NKAIN3: variants seen among roughly 807,000 people sequenced by gnomAD.
NKAIN3 encodes sodium/potassium transporting ATPase interacting 3, also known as sodium/potassium-transporting ATPase subunit beta-1-interacting protein 3.
Under a neutral mutation model 30.2 loss-of-function variants are expected in NKAIN3, and 25 were observed. The observed-to-expected ratio is 0.83, with a 90% CI of 0.60 to 1.16. NKAIN3 has a LOEUF of 1.16. NKAIN3 is among the 50% of genes most tolerant of loss of function. The pLI is 0.00. For missense variants in NKAIN3, 225 were observed against 254.1 expected (o/e 0.89, Z 0.78); for synonymous variants, 91 against 89.6 (o/e 1.02, Z -0.09).
intron 4 of NKAIN3, among the ~76,000 whole-genome samples, chr8:62,756,012 A>G (rs1363446513): frequency 6.6e-6 from 1 of 152,160 alleles, no homozygotes; most frequent in African/African-American, 2.4e-5. Flanking sequence ...ATTTTAAATC[A>G]CTTCATTCTT....
intron 4 of NKAIN3, among the ~76,000 whole-genome samples, chr8:62,751,189 G>T (rs907827285): frequency 1.3e-5 from 2 of 152,136 alleles, no homozygotes; most frequent in Non-Finnish European, 2.9e-5. Flanking sequence ...GCAGCGGCCT[G>T]CATGGAATGG....
chr8:62,335,849 A>G (rs1267164497), intron 1 of NKAIN3, among the ~76,000 whole-genome samples: 2 of 152,038 alleles, frequency 1.3e-5, no homozygotes, highest in African/African-American at 4.8e-5. Flanking sequence ...CCAATCCATC[A>G]GAGAAAAGCC....
chr8:62,811,265 G>A (rs923023761), intron 4 of NKAIN3, among the ~76,000 whole-genome samples: 1 of 151,984 alleles, frequency 6.6e-6, no homozygotes, highest in Non-Finnish European at 1.5e-5. Flanking sequence ...TTAAACAATT[G>A]CCTGTGAAAG....
intron 5 of NKAIN3, among the ~76,000 whole-genome samples, chr8:62,950,794 A>G (rs545559679): frequency 6.6e-6 from 1 of 152,298 alleles, no homozygotes; most frequent in East Asian, 1.9e-4. Flanking sequence ...TATCTGGTTT[A>G]GACTTTGTCC....
intron 1 of NKAIN3, among the ~76,000 whole-genome samples, chr8:62,337,574 C>CAT (rs148709136): frequency 2.0e-5 from 3 of 150,308 alleles, no homozygotes; most frequent in African/African-American, 7.3e-5. Context: ...AAGTATAGTA[C>CAT]ATATATATAT....
intron 1 of NKAIN3, among the ~76,000 whole-genome samples, chr8:62,538,687 T>C (rs1364344051): frequency 6.6e-6 from 1 of 152,244 alleles, no homozygotes; most frequent in Non-Finnish European, 1.5e-5. Flanking sequence ...AAATATGATT[T>C]CAGCCTCTGT....
chr8:62,382,573 C>G (rs929884305), intron 1 of NKAIN3, among the ~76,000 whole-genome samples: 2 of 152,016 alleles, frequency 1.3e-5, no homozygotes, highest in Non-Finnish European at 2.9e-5. Context: ...GTCCAGTAAC[C>G]ATATAAAAGA....
chr8:62,840,702 C>G (rs1228511030), intron 4 of NKAIN3, among the ~76,000 whole-genome samples: 3 of 152,060 alleles, frequency 2.0e-5, no homozygotes, highest in African/African-American at 7.2e-5. Flanking sequence ...GTATTACATA[C>G]CTCTTCAGTT....
At chr8:62,568,905 A>G (rs2130009399) in intron 1 of NKAIN3, among the ~76,000 whole-genome samples, 1 of 152,294 alleles carries the variant, frequency 6.6e-6, no homozygotes, top group East Asian at 1.9e-4. Flanking sequence ...AACAACCTAG[A>G]CAATCACACT....
At chr8:62,706,132 C>T (rs1260225889) in intron 3 of NKAIN3, among the ~76,000 whole-genome samples, 3 of 152,028 alleles carry the variant, frequency 2.0e-5, no homozygotes. Flanking sequence ...CTTCTAATTT[C>T]TATCTACAGG....
chr8:62,345,618 C>CACATATATACACATATATGTATATAT (rs1815971617), intron 1 of NKAIN3, among the ~76,000 whole-genome samples: 1 of 145,570 alleles, frequency 6.9e-6, no homozygotes, highest in Non-Finnish European at 1.5e-5. Flanking sequence ...TGTATATACA[C>CACATATATACACATATATGTATATAT]ACATATATAT....
intron 3 of NKAIN3, among the ~76,000 whole-genome samples, chr8:62,700,911 A>G (rs543695187): frequency 2.6e-5 from 4 of 152,300 alleles, no homozygotes; most frequent in African/African-American, 9.6e-5. Context: ...TATGTACCTT[A>G]ACTGCTTCAT....
Position 62,863,894 on chromosome 8 carries a change from T to A in NKAIN3, c.472-54559T>A, listed in dbSNP as rs1340274871. ...GTCCGCAGGGTCCTCTTGCTCATCA[T>A]CTGATCCAGGATCTCCTCCTTTGGC... On this transcript the variant is annotated intron_variant, in intron 4 of 6. Coordinates refer to ENST00000623646, the MANE Select transcript of NKAIN3 (RefSeq NM_001304533.3). The A allele has an allele frequency of 6.5e-6, 9 of 1,384,338 alleles. No homozygotes were observed. In the African/African-American group the frequency reaches 1.1e-4, roughly 18 times the overall value. 85.8% of individuals were successfully genotyped at this position (1,384,338 alleles called of 1,614,324 possible). A position where few individuals can be genotyped will look rare whatever the true frequency, so the allele number is the denominator to read the frequency against.
intron 1 of NKAIN3, among the ~76,000 whole-genome samples, chr8:62,549,270 C>T (rs946516073): frequency 2.0e-5 from 3 of 152,096 alleles, no homozygotes; most frequent in Non-Finnish European, 4.4e-5. Context: ...CCTTATTAAA[C>T]GAAGTATAGC....
At chr8:62,737,610 T>C (rs1340252543) in intron 3 of NKAIN3, among the ~76,000 whole-genome samples, 1 of 152,178 alleles carries the variant, frequency 6.6e-6, no homozygotes, top group African/African-American at 2.4e-5. Flanking sequence ...TTCAGGATCT[T>C]GATCACACTT....
intron 1 of NKAIN3, among the ~76,000 whole-genome samples, chr8:62,301,912 C>T (rs1814061609): frequency 6.6e-6 from 1 of 152,036 alleles, no homozygotes; most frequent in African/African-American, 2.4e-5. Context: ...CGTTCTATTT[C>T]ATCTTGGAAA....
In NKAIN3 at chr8:62,977,602, C is replaced by T. The variant is rs1414230707; in HGVS notation, c.*12195C>T. 6.6e-6 allele frequency among the ~76,000 whole-genome samples: 1 copy of T among 152,054 alleles called. No homozygotes were observed. Among genetic ancestry groups the T allele is most frequent in the Non-Finnish European group, 1.5e-5 (1 of 68,034 alleles). ...TCTCTAAACTGGTTATTCTAGTTAG[C>T]AATTCCTCTAACCTTTTATCAAGGT... On this transcript the variant is annotated 3_prime_UTR_variant, in exon 7 of 7. Coordinates refer to ENST00000623646, the MANE Select transcript of NKAIN3 (RefSeq NM_001304533.3).
At chr8:62,825,977 A>G (rs1331649271) in intron 4 of NKAIN3, among the ~76,000 whole-genome samples, 1 of 152,300 alleles carries the variant, frequency 6.6e-6, no homozygotes, top group Non-Finnish European at 1.5e-5. Flanking sequence ...TGCCATGTCA[A>G]TAGCATCCCT....
At chr8:62,656,970 G>T (rs868836997) in intron 3 of NKAIN3, among the ~76,000 whole-genome samples, 48 of 152,076 alleles carry the variant, frequency 3.2e-4, no homozygotes, top group Middle Eastern at 3.4e-3. Flanking sequence ...TCAACAAAAG[G>T]GTATTCTTTG....
Sources: gnomAD v4.1 joint callset for allele counts (sites outside exome capture counted in the v4.1 genomes callset) on GRCh38, gnomAD v4.1.1 for gene constraint, MANE v1.5 for transcripts, NCBI Gene and HGNC (gene_info 2026-07-23, HGNC 2026-07-21) for gene names.